MYO3B: variants seen among roughly 807,000 people sequenced by gnomAD.
MYO3B encodes myosin IIIB, also known as myosin-IIIb.
MYO3B carries 156 observed loss-of-function variants against 174.6 expected under a neutral mutation model. The ratio of observed to expected loss-of-function variants is 0.89; its 90% confidence interval spans 0.78 to 1.02. The LOEUF (loss-of-function observed/expected upper bound fraction) is 1.02. Among genes scored for constraint, MYO3B ranks in the 50% least tolerant of loss-of-function variants. MYO3B has a pLI of 0.00. For synonymous variants in MYO3B, 563 were observed against 569.1 expected (o/e 0.99, Z 0.15); for missense variants, 1,632 against 1,639.4 (o/e 1.00, Z 0.08).
At chr2:170,344,133 T>C (rs2093997887) in intron 8 of MYO3B, 1 of 152,150 alleles carries the variant, frequency 6.6e-6, no homozygotes, top group Non-Finnish European at 1.5e-5. Flanking sequence ...ATACTTATTT[T>C]AGTTAGAGAG....
intron 3 of MYO3B, among the ~76,000 whole-genome samples, chr2:170,200,486 C>T (rs746330324): frequency 6.6e-6 from 1 of 152,190 alleles, no homozygotes; most frequent in Non-Finnish European, 1.5e-5. Context: ...TGTTTCTCTG[C>T]TTCAGAGGTT....
Position 170,422,462 on chromosome 2 carries a change from C to CTT in MYO3B, c.2650+14631_2650+14632dup, listed in dbSNP as rs35820262. Among the ~76,000 whole-genome samples, 125 of 144,186 alleles carry CTT rather than the reference C, an allele frequency of 8.7e-4. 2 individuals are homozygous for CTT. The highest frequency in any genetic ancestry group is 1.2e-3 in the Admixed American group (17 of 14,508). 94.6% of individuals were successfully genotyped at this position (144,186 alleles called of 152,430 possible). A position where few individuals can be genotyped will look rare whatever the true frequency, so the allele number is the denominator to read the frequency against. On this transcript the variant is annotated intron_variant, in intron 22 of 34. Transcript: ENST00000408978. ...GAAATGTAAAATGTTCTATTAGCCA[C>CTT]TTTTTTTTTTTTTTGAGATGGAGTC...
intron 7 of MYO3B, among the ~76,000 whole-genome samples, chr2:170,279,103 T>C (rs375818756): frequency 3.9e-5 from 6 of 152,266 alleles, no homozygotes; most frequent in East Asian, 3.9e-4. Flanking sequence ...GGGGTGCATG[T>C]ATCCCTTTTA....
intron 32 of MYO3B, among the ~76,000 whole-genome samples, chr2:170,649,359 ATAT>A (rs1333252023): frequency 2.4e-5 from 2 of 82,288 alleles, no homozygotes; most frequent in Non-Finnish European, 4.6e-5. Flanking sequence ...AATATATAAT[ATAT>A]TATATAAAAA....
intron 32 of MYO3B, among the ~76,000 whole-genome samples, chr2:170,608,110 C>T (rs746835427): frequency 2.0e-5 from 3 of 152,062 alleles, no homozygotes; most frequent in South Asian, 2.1e-4. Context: ...AAGTTAATTC[C>T]GTGATGTAAA....
chr2:170,204,210 A>C (rs1433031770), intron 3 of MYO3B, among the ~76,000 whole-genome samples: 1 of 152,204 alleles, frequency 6.6e-6, no homozygotes, highest in African/African-American at 2.4e-5. Flanking sequence ...TTCTGGAATT[A>C]CTGAGAGGCG....
At chr2:170,472,454 A>C (rs574194155) in intron 25 of MYO3B, among the ~76,000 whole-genome samples, 32 of 152,128 alleles carry the variant, frequency 2.1e-4, no homozygotes, top group South Asian at 6.2e-4. Context: ...CCAAGCCCTC[A>C]GTCTGCTGTC....
intron 28 of MYO3B, among the ~76,000 whole-genome samples, chr2:170,503,459 C>CTT (rs10650053): frequency 0.016 from 1,603 of 97,588 alleles, 240 homozygotes; most frequent in African/African-American, 0.048. Context: ...GGGTGTCTCC[C>CTT]TTTTTTTTTT....
intron 8 of MYO3B, chr2:170,342,058 C>T (rs942995729): frequency 3.9e-5 from 6 of 152,090 alleles, no homozygotes; most frequent in Non-Finnish European, 8.8e-5. Context: ...GAAGGTTTAG[C>T]GTCATATGAA....
chr2:170,311,533 C>T (rs1182859300), intron 7 of MYO3B, among the ~76,000 whole-genome samples: 2 of 149,694 alleles, frequency 1.3e-5, no homozygotes, highest in East Asian at 1.9e-4. Flanking sequence ...ATATGATTTA[C>T]AAATATTTTT....
At chr2:170,275,575 C>G (rs2093458898) in intron 7 of MYO3B, among the ~76,000 whole-genome samples, 1 of 152,140 alleles carries the variant, frequency 6.6e-6, no homozygotes, top group Non-Finnish European at 1.5e-5. Flanking sequence ...ATGCTGAGTA[C>G]TAGCTTACTT....
intron 17 of MYO3B, among the ~76,000 whole-genome samples, chr2:170,401,068 A>G (rs980583117): frequency 6.6e-6 from 1 of 152,224 alleles, no homozygotes; most frequent in African/African-American, 2.4e-5. Context: ...TTATGGTGGC[A>G]CAAAGAGTGA....
intron 22 of MYO3B, among the ~76,000 whole-genome samples, chr2:170,429,701 G>A (rs956835733): frequency 6.6e-6 from 1 of 152,162 alleles, no homozygotes; most frequent in African/African-American, 2.4e-5. Flanking sequence ...ATGTCTTTCA[G>A]ATAGAATACC....
chr2:170,520,197 G>T (rs1244962411), intron 30 of MYO3B, among the ~76,000 whole-genome samples: 1 of 151,982 alleles, frequency 6.6e-6, no homozygotes, highest in Non-Finnish European at 1.5e-5. Flanking sequence ...CATCTAATGG[G>T]CAGAAGCCTG....
At chr2:170,341,155 G>C (rs997024215) in intron 8 of MYO3B, 2 of 152,122 alleles carry the variant, frequency 1.3e-5, no homozygotes, top group Non-Finnish European at 2.9e-5. Context: ...GAACATTTGC[G>C]TTCACTGTAG....
chr2:170,246,680 G>T (rs923141692), intron 7 of MYO3B, among the ~76,000 whole-genome samples: 6 of 152,068 alleles, frequency 3.9e-5, no homozygotes, highest in Admixed American at 2.0e-4. Context: ...CCTTGATTTT[G>T]GATTTCTAGC....
chr2:170,314,517 C>T (rs2093760931), intron 7 of MYO3B, among the ~76,000 whole-genome samples: 1 of 152,154 alleles, frequency 6.6e-6, no homozygotes. Flanking sequence ...TATCACCTTT[C>T]ATTAGATCTT....
At chr2:170,547,026 A>G (rs1690539477) in intron 32 of MYO3B, among the ~76,000 whole-genome samples, 1 of 152,198 alleles carries the variant, frequency 6.6e-6, no homozygotes, top group African/African-American at 2.4e-5. Flanking sequence ...TCAGAGTATA[A>G]GAAGTGTCCC....
chr2:170,300,374 C>G (rs1396677150), intron 7 of MYO3B, among the ~76,000 whole-genome samples: 2 of 152,170 alleles, frequency 1.3e-5, no homozygotes, highest in African/African-American at 4.8e-5. Flanking sequence ...GGCCTATATG[C>G]AAATTATGAC....
Sources: gnomAD v4.1 joint callset for allele counts (sites outside exome capture counted in the v4.1 genomes callset) on GRCh38, gnomAD v4.1.1 for gene constraint, MANE v1.5 for transcripts, NCBI Gene and HGNC (gene_info 2026-07-23, HGNC 2026-07-21) for gene names.